The following TTC28 variants were observed in gnomAD, a reference collection of about 807,000 sequenced individuals.
TTC28 encodes the protein tetratricopeptide repeat domain 28, also known as tetratricopeptide repeat protein 28.
TTC28 carries 61 observed loss-of-function variants against 198.0 expected under a neutral mutation model. The ratio of observed to expected loss-of-function variants is 0.31; its 90% confidence interval spans 0.25 to 0.38. TTC28 has a LOEUF of 0.38. TTC28 is among the 10% of genes least tolerant of loss of function. The probability of loss-of-function intolerance (pLI) is 1.00; values close to 1 mark genes in which losing one functional copy is unlikely to be tolerated. For missense variants in TTC28, 2,678 were observed against 3,164.0 expected, an observed-to-expected ratio of 0.85 and a Z score of 3.69; for synonymous variants, 1,171 against 1,297.8, an observed-to-expected ratio of 0.90 and a Z score of 2.10.
chr22:28,630,884 T>A (rs1454706009), intron 1 of TTC28, among the ~76,000 whole-genome samples: 1 of 152,172 alleles, frequency 6.6e-6, no homozygotes, highest in Non-Finnish European at 1.5e-5. Context: ...TTTAAAGTTA[T>A]ATACTATGGA....
Position 28,089,591 on chromosome 22 carries a change from C to G in TTC28, c.3932+4489G>C, listed in dbSNP as rs181658139. Among the ~76,000 whole-genome samples, 17 of 150,684 alleles carry G rather than the reference C, an allele frequency of 1.1e-4. No individual in the cohort carries two copies. In the East Asian group the frequency reaches 3.3e-3, roughly 30 times the overall value. On this transcript the variant is annotated intron_variant, in intron 12 of 22. Coordinates refer to ENST00000397906, the MANE Select transcript of TTC28 (RefSeq NM_001145418.2). ...ATGACGAGTTACTGGGTGCAGCACA[C>G]CAGCATGGCACGTGTATACATATGT...
In TTC28 at chr22:28,609,485, G is replaced by C. The variant is rs1320204949; in HGVS notation, c.381+20067C>G. ...TACCCGGGAAGCACAAGGGGTCGGG[G>C]AATTCCCTGCCCTAGCCAAGAGAAG... On this transcript the variant is annotated intron_variant, in intron 2 of 22. Coordinates refer to ENST00000397906, the MANE Select transcript of TTC28 (RefSeq NM_001145418.2). Among the ~76,000 whole-genome samples the C allele has an allele frequency of 3.3e-5, 5 of 152,172 alleles. 1 individual carries two copies. Among genetic ancestry groups the C allele is most frequent in the East Asian group, 3.9e-4 (2 of 5,182 alleles).
chr22:28,127,886 C>T (rs1942955614), intron 6 of TTC28, among the ~76,000 whole-genome samples: 1 of 142,264 alleles, frequency 7.0e-6, no homozygotes, highest in Admixed American at 7.5e-5. Flanking sequence ...AATCACCATG[C>T]CTGGCTAATT....
intron 12 of TTC28, among the ~76,000 whole-genome samples, chr22:28,056,887 A>G (rs1043436263): frequency 9.2e-5 from 14 of 152,212 alleles, no homozygotes; most frequent in Non-Finnish European, 1.5e-4. Flanking sequence ...AAATGGAATC[A>G]TATGGTATAT....
chr22:28,182,210 T>C (rs1444538707), intron 5 of TTC28, among the ~76,000 whole-genome samples: 1 of 152,248 alleles, frequency 6.6e-6, no homozygotes, highest in African/African-American at 2.4e-5. Context: ...CACAATTCAC[T>C]ACAGTTTCCT....
intron 6 of TTC28, among the ~76,000 whole-genome samples, chr22:28,125,386 C>T (rs535943231): frequency 6.6e-6 from 1 of 152,298 alleles, no homozygotes; most frequent in East Asian, 1.9e-4. Flanking sequence ...GTACTACAGG[C>T]GGCATCAGGG....
At chr22:28,649,459 TTTTG>T (rs1018720614) in intron 1 of TTC28, among the ~76,000 whole-genome samples, 4 of 152,062 alleles carry the variant, frequency 2.6e-5, no homozygotes, top group African/African-American at 9.7e-5. Flanking sequence ...CCTGCTGAGG[TTTTG>T]TTTGTTTTAA....
At chr22:27,989,399 A>G (rs2146513915) in intron 21 of TTC28, among the ~76,000 whole-genome samples, 1 of 152,330 alleles carries the variant, frequency 6.6e-6, no homozygotes. Context: ...CAATAATACT[A>G]GAGTCTAGCA....
At chr22:28,250,212 C>T (rs1930421274) in intron 5 of TTC28, among the ~76,000 whole-genome samples, 1 of 152,186 alleles carries the variant, frequency 6.6e-6, no homozygotes, top group Non-Finnish European at 1.5e-5. Flanking sequence ...TACAGCCATT[C>T]TGATTACTCA....
chr22:28,071,730 T>C (rs1414824183), intron 12 of TTC28, among the ~76,000 whole-genome samples: 3 of 25,978 alleles, frequency 1.2e-4, no homozygotes, highest in African/African-American at 5.1e-4. Context: ...ACTTAAAGTA[T>C]AATAAAAAAA....
chr22:28,387,734 C>T (rs946338547), intron 2 of TTC28, among the ~76,000 whole-genome samples: 1 of 152,162 alleles, frequency 6.6e-6, no homozygotes, highest in Non-Finnish European at 1.5e-5. Context: ...ATTGTAGATT[C>T]TGGATATTAG....
intron 2 of TTC28, among the ~76,000 whole-genome samples, chr22:28,615,612 G>T (rs1313530166): frequency 1.3e-5 from 2 of 152,116 alleles, no homozygotes; most frequent in Admixed American, 1.3e-4. Context: ...ATACTACACA[G>T]CCATAAAAAA....
intron 2 of TTC28, among the ~76,000 whole-genome samples, chr22:28,516,352 A>C (rs1305254428): frequency 2.0e-5 from 3 of 152,216 alleles, no homozygotes; most frequent in Non-Finnish European, 4.4e-5. Flanking sequence ...ACACAAGAAT[A>C]ATTCTGAAAA....
At chr22:28,255,447 C>T (rs952082400) in intron 5 of TTC28, among the ~76,000 whole-genome samples, 1 of 151,986 alleles carries the variant, frequency 6.6e-6, no homozygotes, top group African/African-American at 2.4e-5. Context: ...CTTCGGGAGG[C>T]GAGGTGGGTG....
In TTC28 at chr22:28,579,455, A is replaced by T. The variant is rs1345423611; in HGVS notation, c.381+50097T>A. Among the ~76,000 whole-genome samples the T allele has an allele frequency of 3.4e-5, 5 of 148,812 alleles. No homozygotes were observed. In the East Asian group the frequency reaches 9.8e-4, roughly 29 times the overall value. The stretch of plus-strand genomic sequence containing the variant: ...ATAGTGTATATATACGTATAACTAT[A>T]TACATAGCTACATATTACTAATTAT... On this transcript the variant is annotated intron_variant, in intron 2 of 22. Coordinates refer to ENST00000397906, the MANE Select transcript of TTC28 (RefSeq NM_001145418.2).
At chr22:28,087,936 C>G (rs891350289) in intron 12 of TTC28, among the ~76,000 whole-genome samples, 8 of 152,094 alleles carry the variant, frequency 5.3e-5, no homozygotes, top group African/African-American at 1.9e-4. Flanking sequence ...AATAAAATAC[C>G]TAGGAATCCA....
At chr22:28,436,336 T>G (rs937304098) in intron 2 of TTC28, among the ~76,000 whole-genome samples, 1 of 152,232 alleles carries the variant, frequency 6.6e-6, no homozygotes, top group Non-Finnish European at 1.5e-5. Flanking sequence ...TCTGTGCCTA[T>G]GCCCTCAAAA....
At chr22:28,433,123 A>G (rs1372913289) in intron 2 of TTC28, among the ~76,000 whole-genome samples, 1 of 152,210 alleles carries the variant, frequency 6.6e-6, no homozygotes, top group African/African-American at 2.4e-5. Context: ...TGTTACTATC[A>G]AATTTGCATT....
intron 5 of TTC28, among the ~76,000 whole-genome samples, chr22:28,260,363 A>G (rs1327237265): frequency 6.6e-6 from 1 of 152,170 alleles, no homozygotes; most frequent in Non-Finnish European, 1.5e-5. Context: ...AACCATCTAG[A>G]AAAGAATGGG....
Sources: gnomAD v4.1 joint callset for allele counts (sites outside exome capture counted in the v4.1 genomes callset) on GRCh38, gnomAD v4.1.1 for gene constraint, MANE v1.5 for transcripts, NCBI Gene and HGNC (gene_info 2026-07-23, HGNC 2026-07-21) for gene names.